Variants in IL6ST observed in about 807,000 individuals in gnomAD.
IL6ST encodes interleukin-6 receptor subunit beta.
A neutral mutation model predicts 91.3 loss-of-function variants in IL6ST; 24 were observed. The ratio of observed to expected loss-of-function variants is 0.26; its 90% confidence interval spans 0.19 to 0.37. The LOEUF (loss-of-function observed/expected upper bound fraction) is 0.37, where lower values mean the gene tolerates loss of function less well. Ranked by LOEUF, IL6ST falls within the 10% of genes least tolerant of loss-of-function variation. IL6ST has a pLI of 1.00. For synonymous variants in IL6ST, 351 were observed against 373.6 expected (o/e 0.94, Z 0.70); for missense variants, 914 against 1,078.5 (o/e 0.85, Z 2.14).
intron 8 of IL6ST, among the ~76,000 whole-genome samples, chr5:55,959,881 C>T (rs1455223582): frequency 6.6e-6 from 1 of 151,510 alleles, no homozygotes; most frequent in Admixed American, 6.6e-5. Context: ...GTCACCATTC[C>T]ATGATGAATT....
At chr5:55,979,149 T>G (rs1753493503) in intron 2 of IL6ST, among the ~76,000 whole-genome samples, 3 of 152,028 alleles carry the variant, frequency 2.0e-5, no homozygotes, top group Admixed American at 2.0e-4. Context: ...ATCAGCACTT[T>G]GGGAGGCTGA....
chr5:55,990,806 A>G (rs1754276264), intron 1 of IL6ST, among the ~76,000 whole-genome samples: 1 of 152,056 alleles, frequency 6.6e-6, no homozygotes, highest in Non-Finnish European at 1.5e-5. Flanking sequence ...CAGGTTACAT[A>G]TGATACATGT....
chr5:55,948,282 T>C (rs1402967706), intron 14 of IL6ST, among the ~76,000 whole-genome samples: 1 of 152,184 alleles, frequency 6.6e-6, no homozygotes, highest in Non-Finnish European at 1.5e-5. Flanking sequence ...TAATCACTAA[T>C]TGGGATAATT....
chr5:55,976,547 T>G (rs1290898523), intron 2 of IL6ST, among the ~76,000 whole-genome samples: 2 of 152,228 alleles, frequency 1.3e-5, no homozygotes, highest in African/African-American at 4.8e-5. Flanking sequence ...CTTTCTTATG[T>G]GAAGTCTTAT....
chr5:55,961,981 A>C (rs182412468), intron 7 of IL6ST, among the ~76,000 whole-genome samples: 2 of 152,220 alleles, frequency 1.3e-5, no homozygotes, highest in Non-Finnish European at 2.9e-5. Flanking sequence ...CAAAAGGAAG[A>C]TATCCAGCCC....
chr5:55,976,347 TAATTTAAGACAC>T, intron 2 of IL6ST, 54 bp from the exon 3 acceptor site: 1 of 929,720 alleles, frequency 1.1e-6, no homozygotes, highest in Admixed American at 2.3e-5. Context: ...TATATACACA[TAATTTAAGACAC>T]AATCTTGTTT....
intron 1 of IL6ST, chr5:55,994,263 AATG>A (rs1180199974): frequency 1.3e-5 from 2 of 152,156 alleles, no homozygotes; most frequent in African/African-American, 4.8e-5. Flanking sequence ...ATTCGTTAGG[AATG>A]ATAATTATTA....
chr5:55,975,090 C>A (rs1753207748), intron 3 of IL6ST, among the ~76,000 whole-genome samples: 1 of 152,004 alleles, frequency 6.6e-6, no homozygotes, highest in Non-Finnish European at 1.5e-5. Flanking sequence ...GCTCATGATT[C>A]TCCTGGCTCA....
chr5:55,945,955 C>T (rs1751224941), intron 15 of IL6ST, among the ~76,000 whole-genome samples: 1 of 151,948 alleles, frequency 6.6e-6, no homozygotes, highest in Non-Finnish European at 1.5e-5. Flanking sequence ...TCTAAAGCCA[C>T]AGTTAAGACA....
intron 2 of IL6ST, among the ~76,000 whole-genome samples, chr5:55,980,928 C>T (rs1753625779): frequency 6.6e-6 from 1 of 152,162 alleles, no homozygotes; most frequent in African/African-American, 2.4e-5. Flanking sequence ...GGGGGTCTCA[C>T]TATGTTGCAC....
chr5:55,976,663 ATGTT>A (rs2111860865), intron 2 of IL6ST, among the ~76,000 whole-genome samples: 1 of 152,350 alleles, frequency 6.6e-6, no homozygotes, highest in East Asian at 1.9e-4. Flanking sequence ...ATGGAAAAAA[ATGTT>A]TGTAATTCAT....
rs745763248 is a variant in IL6ST at position 55,941,605 on chromosome 5, T to G, written c.2234A>C (p.Asp745Ala). The change falls in exon 17 of 17, where the codon GAT becomes GCT. Residue 745 changes from aspartate (D) to alanine (A), a missense_variant. Asp to Ala is a moderately radical substitution (Grantham distance 126, BLOSUM62 -2). Transcript: ENST00000381298. Reference protein sequence around the residue: ...SSSRPSISSSDENESSQNTSS... With the variant: ...SSSRPSISSSAENESSQNTSS... ...AGTGTTTTGTGAAGATTCATTTTCA[T>G]CACTGCTAGAAATGCTTGGCCTAGA... 6.2e-7 allele frequency: 1 copy of G among 1,614,184 alleles called. No individual in the cohort carries two copies. The highest frequency in any genetic ancestry group is 1.7e-5 in the Admixed American group (1 of 60,022).
chr5:55,976,365 T>C (rs1027451638), intron 2 of IL6ST, 72 bp from the exon 3 acceptor site: 10 of 752,862 alleles, frequency 1.3e-5, no homozygotes, highest in Non-Finnish European at 2.1e-5. Flanking sequence ...GACACAATCT[T>C]GTTTCCATGC....
chr5:55,984,264 T>G (rs1448999694), intron 1 of IL6ST, among the ~76,000 whole-genome samples: 1 of 152,248 alleles, frequency 6.6e-6, no homozygotes, highest in African/African-American at 2.4e-5. Context: ...TGCCAACCCC[T>G]GTTCTAAATA....
intron 9 of IL6ST, among the ~76,000 whole-genome samples, chr5:55,956,705 T>A (rs1368371418): frequency 1.3e-5 from 2 of 152,184 alleles, no homozygotes; most frequent in East Asian, 1.9e-4. Flanking sequence ...TAAATACCTA[T>A]AAGGTATTAT....
At chr5:55,957,962 G>C (rs945951515) in intron 8 of IL6ST, among the ~76,000 whole-genome samples, 3 of 151,904 alleles carry the variant, frequency 2.0e-5, no homozygotes, top group African/African-American at 7.3e-5. Context: ...ATATTCACAA[G>C]AATAATAAAA....
chr5:55,961,975 A>G (rs2111757224), intron 7 of IL6ST, among the ~76,000 whole-genome samples: 1 of 152,338 alleles, frequency 6.6e-6, no homozygotes, highest in South Asian at 2.1e-4. Flanking sequence ...GACAGGCAAA[A>G]GGAAGATATC....
At chr5:55,979,933 T>C (rs1753545342) in intron 2 of IL6ST, among the ~76,000 whole-genome samples, 1 of 152,232 alleles carries the variant, frequency 6.6e-6, no homozygotes, top group African/African-American at 2.4e-5. Context: ...TGTAAATACT[T>C]GTAGCCATTT....
At chr5:55,952,488 C>T (rs999037521) in intron 11 of IL6ST, 137 bp from the exon 12 acceptor site, 21 of 538,584 alleles carry the variant, frequency 3.9e-5, no homozygotes, top group Non-Finnish European at 6.3e-5. Context: ...TAAGCATTGT[C>T]TTTTGTGTAC....
Sources: gnomAD v4.1 joint callset for allele counts (sites outside exome capture counted in the v4.1 genomes callset) on GRCh38, gnomAD v4.1.1 for gene constraint, MANE v1.5 for transcripts, NCBI Gene and HGNC (gene_info 2026-07-23, HGNC 2026-07-21) for gene names.